Variants in PTPRT observed in about 807,000 individuals in gnomAD.
The protein encoded by PTPRT is protein tyrosine phosphatase receptor type T.
A neutral mutation model predicts 176.8 loss-of-function variants in PTPRT; 56 were observed. That is an observed-to-expected ratio of 0.32 (90% CI 0.26 to 0.40). The LOEUF (loss-of-function observed/expected upper bound fraction) is 0.40, where lower values mean the gene tolerates loss of function less well. Among genes scored for constraint, PTPRT ranks in the 10% least tolerant of loss-of-function variants. The probability of loss-of-function intolerance (pLI) is 1.00; values close to 1 mark genes in which losing one functional copy is unlikely to be tolerated. For missense variants in PTPRT, 1,540 were observed against 1,908.2 expected, an observed-to-expected ratio of 0.81 and a Z score of 3.60; for synonymous variants, 783 against 739.0, an observed-to-expected ratio of 1.06 and a Z score of -0.96.
At chr20:42,729,614 G>A (rs924543631) in intron 6 of PTPRT, among the ~76,000 whole-genome samples, 1 of 152,130 alleles carries the variant, frequency 6.6e-6, no homozygotes. Context: ...GCTATATAAC[G>A]AGAAAGCTGG....
chr20:42,253,331 G>C (rs2056580413), intron 13 of PTPRT, among the ~76,000 whole-genome samples: 1 of 152,270 alleles, frequency 6.6e-6, no homozygotes, highest in Non-Finnish European at 1.5e-5. Context: ...AAGGCTATCT[G>C]TCTGACTCAG....
intron 1 of PTPRT, among the ~76,000 whole-genome samples, chr20:43,040,914 AC>A: frequency 6.6e-6 from 1 of 152,228 alleles, no homozygotes; most frequent in Non-Finnish European, 1.5e-5. Flanking sequence ...AATAATTCGA[AC>A]CTGGAACATT....
intron 1 of PTPRT, among the ~76,000 whole-genome samples, chr20:43,105,998 G>C (rs1228368857): frequency 6.6e-6 from 1 of 152,100 alleles, no homozygotes; most frequent in African/African-American, 2.4e-5. Flanking sequence ...GGATGCAACA[G>C]GTTCAGGGGG....
chr20:43,164,208 T>G (rs1365536920), intron 1 of PTPRT, among the ~76,000 whole-genome samples: 3 of 152,194 alleles, frequency 2.0e-5, no homozygotes, highest in Non-Finnish European at 4.4e-5. Context: ...AGTTTGCTGT[T>G]AGGGACAAGG....
intron 7 of PTPRT, among the ~76,000 whole-genome samples, chr20:42,524,701 T>C (rs1438558555): frequency 2.0e-5 from 3 of 152,212 alleles, no homozygotes; most frequent in Non-Finnish European, 4.4e-5. Flanking sequence ...TCATCTCACT[T>C]TGAATATTGT....
chr20:42,661,977 C>T (rs1170861787), intron 7 of PTPRT, among the ~76,000 whole-genome samples: 1 of 152,194 alleles, frequency 6.6e-6, no homozygotes, highest in Non-Finnish European at 1.5e-5. Flanking sequence ...ATCATTTTGG[C>T]TGAGGCTGCA....
At chr20:43,133,490 A>C (rs965525467) in intron 1 of PTPRT, among the ~76,000 whole-genome samples, 10 of 152,124 alleles carry the variant, frequency 6.6e-5, no homozygotes, top group African/African-American at 2.4e-4. Context: ...TCACGCCTGT[A>C]ATCCCAGCAT....
At chr20:42,300,421 C>A (rs1414592622) in intron 12 of PTPRT, among the ~76,000 whole-genome samples, 2 of 152,004 alleles carry the variant, frequency 1.3e-5, no homozygotes, top group African/African-American at 4.8e-5. Context: ...TTTAAAGGAA[C>A]CAGAGCTGGG....
chr20:42,633,923 ATATAT>A (rs1198949340), intron 7 of PTPRT, among the ~76,000 whole-genome samples: 1 of 54,276 alleles, frequency 1.8e-5, no homozygotes, highest in African/African-American at 7.4e-5. Context: ...ATTATATATA[ATATAT>A]TATAATAATA....
intron 1 of PTPRT, among the ~76,000 whole-genome samples, chr20:43,012,041 G>A (rs1339678571): frequency 6.6e-6 from 1 of 152,180 alleles, no homozygotes; most frequent in African/African-American, 2.4e-5. Context: ...TGCACTGTTG[G>A]CTTCCCTACT....
chr20:42,122,682 G>A (rs920796314), intron 19 of PTPRT, among the ~76,000 whole-genome samples: 13 of 152,320 alleles, frequency 8.5e-5, no homozygotes, highest in African/African-American at 3.1e-4. Context: ...TTCCCTGCCT[G>A]CAGTTTCACT....
At chr20:42,157,790 T>A (rs1350520757) in intron 17 of PTPRT, among the ~76,000 whole-genome samples, 1 of 152,176 alleles carries the variant, frequency 6.6e-6, no homozygotes, top group South Asian at 2.1e-4. Context: ...ATACCCAAGT[T>A]TGGGCCACAA....
intron 2 of PTPRT, among the ~76,000 whole-genome samples, chr20:42,851,710 C>A (rs2145762017): frequency 6.6e-6 from 1 of 152,314 alleles, no homozygotes; most frequent in South Asian, 2.1e-4. Context: ...TCTTTTGCAA[C>A]TACTCAGTTC....
At chr20:42,357,244 C>T (rs1031551362) in intron 9 of PTPRT, among the ~76,000 whole-genome samples, 2 of 152,146 alleles carry the variant, frequency 1.3e-5, no homozygotes, top group African/African-American at 2.4e-5. Context: ...CTTATGGCTA[C>T]TCTCACACTA....
intron 6 of PTPRT, among the ~76,000 whole-genome samples, chr20:42,680,852 T>C (rs2075590881): frequency 6.6e-6 from 1 of 152,234 alleles, no homozygotes; most frequent in Non-Finnish European, 1.5e-5. Context: ...AACATCCCCT[T>C]GAGTATATAA....
intron 7 of PTPRT, among the ~76,000 whole-genome samples, chr20:42,600,439 T>C (rs6093692): frequency 0.25 from 38,033 of 152,118 alleles, 5,143 homozygotes; most frequent in Non-Finnish European, 0.3. Context: ...CACACCTGGC[T>C]GGGATTTTTT....
At chr20:42,684,798 A>C (rs2075663884) in intron 6 of PTPRT, among the ~76,000 whole-genome samples, 1 of 152,190 alleles carries the variant, frequency 6.6e-6, no homozygotes, top group Admixed American at 6.5e-5. Flanking sequence ...AAACAAAATA[A>C]AAAGACTAAA....
chr20:42,820,469 A>G (rs1297212573), intron 2 of PTPRT, among the ~76,000 whole-genome samples: 2 of 152,184 alleles, frequency 1.3e-5, no homozygotes, highest in Non-Finnish European at 2.9e-5. Flanking sequence ...GAATGCTAGG[A>G]AGATATCAAA....
At chr20:42,167,965 A>G (rs1435971945) in intron 16 of PTPRT, among the ~76,000 whole-genome samples, 2 of 152,244 alleles carry the variant, frequency 1.3e-5, no homozygotes, top group Admixed American at 1.3e-4. Flanking sequence ...AGCCTTATTG[A>G]TAACATAAAC....
Sources: gnomAD v4.1 joint callset for allele counts (sites outside exome capture counted in the v4.1 genomes callset) on GRCh38, gnomAD v4.1.1 for gene constraint, MANE v1.5 for transcripts, NCBI Gene and HGNC (gene_info 2026-07-23, HGNC 2026-07-21) for gene names.